The following GALNT13 variants were observed in gnomAD, a reference collection of about 807,000 sequenced individuals.
GALNT13 encodes UDP-GalNAc:polypeptide N-acetylgalactosaminyltransferase 13.
A neutral mutation model predicts 64.2 loss-of-function variants in GALNT13; 28 were observed. That is an observed-to-expected ratio of 0.44 (90% CI 0.32 to 0.60). The LOEUF is 0.60. GALNT13 is among the 20% of genes least tolerant of loss of function. GALNT13 has a pLI of 0.05. For missense variants in GALNT13, 577 were observed against 669.8 expected, an observed-to-expected ratio of 0.86 and a Z score of 1.53; for synonymous variants, 214 against 224.6, an observed-to-expected ratio of 0.95 and a Z score of 0.42.
At chr2:153,817,112 G>A in the GALNT13 span, among the ~76,000 whole-genome samples, 1 of 152,182 alleles carries the variant, frequency 6.6e-6, no homozygotes, top group African/African-American at 2.4e-5. Flanking sequence ...TTTAAGATCA[G>A]CCCTAAGCAA....
chr2:153,413,581 G>A, the GALNT13 span, among the ~76,000 whole-genome samples: 1 of 152,138 alleles, frequency 6.6e-6, no homozygotes, highest in Non-Finnish European at 1.5e-5. Flanking sequence ...AATGACTGAT[G>A]TAGGTTTCAG....
chr2:153,913,133 G>A (rs1337438388), intron 2 of GALNT13, among the ~76,000 whole-genome samples: 1 of 152,188 alleles, frequency 6.6e-6, no homozygotes, highest in Admixed American at 6.5e-5. Context: ...TCACACTGGT[G>A]GTGGTGGCTG....
chr2:153,399,547 T>C, the GALNT13 span, among the ~76,000 whole-genome samples: 12 of 152,134 alleles, frequency 7.9e-5, no homozygotes, highest in Non-Finnish European at 1.3e-4. Context: ...TGATTCTTCC[T>C]ACCCATGAGC....
chr2:154,449,343 C>T (rs948652721), intron 12 of GALNT13, among the ~76,000 whole-genome samples: 39 of 149,076 alleles, frequency 2.6e-4, no homozygotes, highest in Admixed American at 9.0e-4. Flanking sequence ...AAACTACAAT[C>T]GTCTGGCTGC....
chr2:154,326,467 A>C (rs1213218334), intron 9 of GALNT13, among the ~76,000 whole-genome samples: 3 of 152,130 alleles, frequency 2.0e-5, no homozygotes, highest in Admixed American at 6.6e-5. Context: ...TGTGAAATCC[A>C]AATTTAACTG....
At chr2:154,383,905 A>G (rs1331634102) in intron 9 of GALNT13, among the ~76,000 whole-genome samples, 3 of 143,702 alleles carry the variant, frequency 2.1e-5, no homozygotes, top group Non-Finnish European at 4.6e-5. Flanking sequence ...ATACATATAT[A>G]TGTGTGTCAG....
At chr2:153,169,827 T>G in the GALNT13 span, among the ~76,000 whole-genome samples, 2 of 152,214 alleles carry the variant, frequency 1.3e-5, no homozygotes, top group East Asian at 3.9e-4. Context: ...CTACTGTTGT[T>G]AGCTCCCAGC....
the GALNT13 span, among the ~76,000 whole-genome samples, chr2:153,293,404 TGA>T: frequency 1.2e-4 from 19 of 152,046 alleles, no homozygotes; most frequent in African/African-American, 3.6e-4. Flanking sequence ...TGTATGTGTG[TGA>T]GAGAGGGGGA....
At chr2:153,760,685 C>G in the GALNT13 span, among the ~76,000 whole-genome samples, 1 of 152,022 alleles carries the variant, frequency 6.6e-6, no homozygotes, top group Admixed American at 6.6e-5. Context: ...GTTCCATGTT[C>G]CCTTTCAAAG....
chr2:153,695,753 A>G, the GALNT13 span, among the ~76,000 whole-genome samples: 1 of 152,224 alleles, frequency 6.6e-6, no homozygotes, highest in Non-Finnish European at 1.5e-5. Flanking sequence ...AATAAACATT[A>G]CACAGAGGAT....
At chr2:154,122,504 T>A (rs1682008264) in intron 3 of GALNT13, among the ~76,000 whole-genome samples, 1 of 152,070 alleles carries the variant, frequency 6.6e-6, no homozygotes, top group Non-Finnish European at 1.5e-5. Context: ...GAATTGGTAT[T>A]CTTTTTTCTT....
chr2:153,114,486 C>T, the GALNT13 span, among the ~76,000 whole-genome samples: 2 of 152,120 alleles, frequency 1.3e-5, no homozygotes, highest in Non-Finnish European at 2.9e-5. Context: ...AGTTATCCTG[C>T]TCATCCTTAA....
chr2:154,359,833 A>G (rs1485979636), intron 9 of GALNT13, among the ~76,000 whole-genome samples: 1 of 152,112 alleles, frequency 6.6e-6, no homozygotes, highest in Non-Finnish European at 1.5e-5. Context: ...ATCAATGTGA[A>G]TTAGATTGCT....
intron 3 of GALNT13, among the ~76,000 whole-genome samples, chr2:154,012,003 T>C (rs1239008591): frequency 6.6e-6 from 1 of 152,168 alleles, no homozygotes; most frequent in African/African-American, 2.4e-5. Context: ...TAGTTGGGTG[T>C]TTATTTTTTA....
At chr2:153,795,085 G>C in the GALNT13 span, among the ~76,000 whole-genome samples, 2 of 152,128 alleles carry the variant, frequency 1.3e-5, no homozygotes, top group African/African-American at 2.4e-5. Flanking sequence ...CGGGGAGGGT[G>C]GTTGTGAGTG....
intron 9 of GALNT13, among the ~76,000 whole-genome samples, chr2:154,353,675 T>G (rs1323512942): frequency 6.6e-6 from 1 of 152,220 alleles, no homozygotes; most frequent in Non-Finnish European, 1.5e-5. Context: ...ATTTTTTCTT[T>G]CAGTGTCTGG....
chr2:153,494,989 T>TGG, the GALNT13 span, among the ~76,000 whole-genome samples: 5 of 152,124 alleles, frequency 3.3e-5, no homozygotes, highest in Admixed American at 2.0e-4. Context: ...ATATCTCAAT[T>TGG]GGGAAAATGC....
chr2:153,828,142 G>A, the GALNT13 span, among the ~76,000 whole-genome samples: 1 of 152,194 alleles, frequency 6.6e-6, no homozygotes, highest in Non-Finnish European at 1.5e-5. Flanking sequence ...AGCTGGCATT[G>A]AGTGTCTGCA....
chr2:154,083,852 G>A (rs1027651127), intron 3 of GALNT13, among the ~76,000 whole-genome samples: 6 of 151,836 alleles, frequency 4.0e-5, no homozygotes, highest in African/African-American at 1.4e-4. Flanking sequence ...TGTGAATTGG[G>A]ATGATATGAC....
Sources: allele counts gnomAD v4.1 joint callset (sites outside exome capture counted in the v4.1 genomes callset), GRCh38; gene constraint gnomAD v4.1.1; transcripts MANE v1.5; gene names NCBI Gene and HGNC (gene_info 2026-07-23, HGNC 2026-07-21).